Variants in SLC5A10 observed in about 807,000 individuals in gnomAD.
SLC5A10 encodes the protein sodium/mannose cotransporter SLC5A10.
A neutral mutation model predicts 68.9 loss-of-function variants in SLC5A10; 55 were observed. The observed-to-expected ratio is 0.80, with a 90% CI of 0.64 to 1.00. SLC5A10 has a LOEUF of 1.00. SLC5A10 is among the 50% of genes least tolerant of loss of function. SLC5A10 has a pLI of 0.00. For missense variants in SLC5A10, 732 were observed against 819.3 expected (o/e 0.89, Z 1.30); for synonymous variants, 344 against 344.8 (o/e 1.00, Z 0.02).
chr17:18,997,253 A>C (rs1234048899), intron 9 of SLC5A10, among the ~76,000 whole-genome samples: 1 of 152,236 alleles, frequency 6.6e-6, no homozygotes, highest in Non-Finnish European at 1.5e-5. Context: ...TACCTCCCCC[A>C]GACGGACATC....
At chr17:18,970,900 A>G in intron 7 of SLC5A10, 113 bp from the exon 8 acceptor site, 10 of 967,536 alleles carry the variant, frequency 1.0e-5, no homozygotes, top group Non-Finnish European at 1.4e-5. Flanking sequence ...AGGTGGAAAA[A>G]ACTCAAGTTT....
chr17:18,972,641 T>A (rs769187858), intron 8 of SLC5A10, among the ~76,000 whole-genome samples: 6 of 152,072 alleles, frequency 3.9e-5, no homozygotes, highest in Non-Finnish European at 7.4e-5. Context: ...CATGGGCGGA[T>A]CACGAGGTCA....
rs1295964433 is a variant in SLC5A10, at chr17:18,961,965, T to C, written c.453+1313T>C. 1.2e-4 allele frequency among the ~76,000 whole-genome samples: 18 copies of C among 152,266 alleles called. 1 individual carries two copies. The highest frequency in any genetic ancestry group is 1.5e-5 in the Non-Finnish European group (1 of 67,988). ...TTCGCCAGATGCCCTTGGCGTACTG[T>C]AGGAGGTTTGCTTTCTCTGGGAGCC... On this transcript the variant is annotated intron_variant, in intron 5 of 14. Transcript: ENST00000395645.
Position 19,004,765 on chromosome 17 carries a change from G to A in SLC5A10, c.983-8645G>A, listed in dbSNP as rs1319301253. On this transcript the variant is annotated intron_variant, in intron 9 of 14. Transcript: ENST00000395645. This position sits in a 1 kb window ranked among gnomAD's most constrained non-coding sequence, Gnocchi z 5.4. Reference sequence around the variant, plus strand: ...GCGGCGGCTGCGGCGGCGGCGCGAGGCTGGGCGGGGGCGCGCCGGTGACTC... The same window carrying A: ...GCGGCGGCTGCGGCGGCGGCGCGAGACTGGGCGGGGGCGCGCCGGTGACTC... 1 of 150,178 alleles carries A rather than the reference G, an allele frequency of 6.7e-6. No individual in the cohort carries two copies. The highest frequency in any genetic ancestry group is 2.4e-5 in the African/African-American group (1 of 41,176). The allele number at this position is 150,178 out of a possible 1,614,324, so 9.3% of individuals were successfully genotyped here. A position where few individuals can be genotyped will look rare whatever the true frequency, so the allele number is the denominator to read the frequency against.
At chr17:19,013,128 T>C (rs1217130571) in intron 9 of SLC5A10, among the ~76,000 whole-genome samples, 2 of 152,182 alleles carry the variant, frequency 1.3e-5, no homozygotes, top group African/African-American at 2.4e-5. Flanking sequence ...TAGACTCTAA[T>C]GGCGGACCTC....
intron 9 of SLC5A10, among the ~76,000 whole-genome samples, chr17:18,992,552 G>C (rs1230407976): frequency 6.6e-6 from 1 of 152,230 alleles, no homozygotes; most frequent in Non-Finnish European, 1.5e-5. Flanking sequence ...AGGTCACAGA[G>C]GCAGGGAGCA....
At chr17:18,976,187 C>CAACAAAAAAAAAA (rs2042974735) in intron 8 of SLC5A10, 1 of 108,466 alleles carries the variant, frequency 9.2e-6, no homozygotes, top group African/African-American at 3.5e-5. Flanking sequence ...GACTCCGACT[C>CAACAAAAAAAAAA]AAAAAAAAAG....
chr17:18,997,517 A>G (rs1251969701), intron 9 of SLC5A10, among the ~76,000 whole-genome samples: 5 of 152,228 alleles, frequency 3.3e-5, no homozygotes, highest in Admixed American at 6.5e-5. Flanking sequence ...TCTCAAAACT[A>G]TAGATTCAAA....
At chr17:18,982,960 A>G (rs1282913319) in intron 9 of SLC5A10, among the ~76,000 whole-genome samples, 1 of 152,260 alleles carries the variant, frequency 6.6e-6, no homozygotes, top group African/African-American at 2.4e-5. Context: ...GCCACAGTAC[A>G]GGTGGGGCCC....
chr17:19,013,214 G>T (rs573704840), intron 9 of SLC5A10, 196 bp from the exon 10 acceptor site: 3 of 757,180 alleles, frequency 4.0e-6, no homozygotes, highest in South Asian at 4.4e-5. Context: ...ATGGAGAACA[G>T]CAGGGAAAAG....
In SLC5A10 at chr17:19,015,106, C is replaced by T. The variant is rs2044108225; in HGVS notation, c.1148C>T (p.Ser383Phe). The T allele has an allele frequency of 6.2e-7, 1 of 1,613,492 alleles. No homozygotes were observed. The highest frequency in any genetic ancestry group is 1.3e-5 in the African/African-American group (1 of 74,876). The part of the protein sequence containing the change: ...MLAALMSSLT[S>F]IFNSSSTLFT... The stretch of plus-strand genomic sequence containing the variant: ...GCGGCGCTCATGTCGTCGCTGACCT[C>T]CATCTTCAACAGCAGCAGCACCCTC... The change falls in exon 11 of 15, where the codon TCC (serine) becomes TTC (phenylalanine). Residue 383 changes from serine to phenylalanine, a missense_variant. Physicochemically the swap from Ser to Phe is radical, Grantham distance 155. Coordinates refer to ENST00000395645, the MANE Select transcript of SLC5A10 (RefSeq NM_001042450.4).
chr17:18,966,799 G>A (rs946963368), intron 5 of SLC5A10, among the ~76,000 whole-genome samples: 25 of 152,074 alleles, frequency 1.6e-4, no homozygotes, highest in African/African-American at 6.0e-4. Context: ...GGTCACTGGG[G>A]AGGGAGGCAC....
intron 9 of SLC5A10, among the ~76,000 whole-genome samples, chr17:18,993,802 C>A (rs2043493360): frequency 6.6e-6 from 1 of 152,242 alleles, no homozygotes. Context: ...CCGATCTCAG[C>A]TCCTCCTGGG....
In SLC5A10 at chr17:19,017,563, A is replaced by T. The variant is rs149580871; in HGVS notation, c.1242-1860A>T. 710 of 644,704 alleles carry T rather than the reference A, an allele frequency of 1.1e-3. 2 individuals carry two copies. The African/African-American group carries it at 0.012, about 11-fold the overall frequency. 39.9% of individuals were successfully genotyped at this position (644,704 alleles called of 1,614,324 possible). A position where few individuals can be genotyped will look rare whatever the true frequency, so the allele number is the denominator to read the frequency against. ...CTGAGCAGAGGCTGGAGGAGCCGTC[A>T]CAGGCTGGGGGAGAGCGATGACCCG... On this transcript the variant is annotated intron_variant, in intron 11 of 14. Coordinates refer to ENST00000395645, the MANE Select transcript of SLC5A10 (RefSeq NM_001042450.4). The surrounding 1 kb of genome is among the most constrained non-coding windows in gnomAD (Gnocchi z 5.6).
chr17:19,019,850 C>A lies in SLC5A10; in HGVS notation c.1548C>A (p.Phe516Leu). The change falls in exon 13 of 15, where the codon TTC (phenylalanine) becomes TTA (leucine). Residue 516 changes from phenylalanine to leucine, a missense_variant. Phe to Leu is a conservative substitution (Grantham distance 22). Transcript: ENST00000395645. The stretch of plus-strand genomic sequence containing the variant: ...TGGGGAGCATCCACTACCTGCACTT[C>A]GCTGTCGCCCTCTTTGCACTCAGTG... The part of the protein sequence containing the change: ...AVLGSIHYLH[F>L]AVALFALSGA... 6 of 1,613,554 alleles carry A rather than the reference C, an allele frequency of 3.7e-6. No homozygotes were observed. Among genetic ancestry groups the A allele is most frequent in the Non-Finnish European group, 5.1e-6 (6 of 1,179,952 alleles).
At position 19,020,835 on chromosome 17, in the gene SLC5A10, G is replaced by T. The variant is rs576325837; in HGVS notation, c.*404G>T. On this transcript the variant is annotated 3_prime_UTR_variant, in exon 15 of 15. Transcript: ENST00000395645. ...GCCCAGAGCAAGGCCCCCCATTAAGGGACTGCAGCCACCTCCAAGGGCTCC... is the reference window on the plus strand; with the variant it reads ...GCCCAGAGCAAGGCCCCCCATTAAGTGACTGCAGCCACCTCCAAGGGCTCC... 1.8e-4 allele frequency: 32 copies of T among 181,710 alleles called. No homozygotes were observed. The highest frequency in any genetic ancestry group is 1.2e-3 in the Admixed American group (22 of 18,444). The allele number at this position is 181,710 out of a possible 1,614,324, so 11.3% of individuals were successfully genotyped here.
At chr17:18,981,525 G>A (rs1191652940) in intron 9 of SLC5A10, among the ~76,000 whole-genome samples, 3 of 152,170 alleles carry the variant, frequency 2.0e-5, no homozygotes, top group African/African-American at 7.2e-5. Context: ...TGCTATGGGA[G>A]AGGAGGGGAG....
Position 18,968,976 on chromosome 17 carries a change from G to A in SLC5A10, c.454-76G>A. On this transcript the variant is annotated intron_variant, in intron 5 of 14. Coordinates refer to ENST00000395645, the MANE Select transcript of SLC5A10 (RefSeq NM_001042450.4). The surrounding 1 kb of genome is among the most constrained non-coding windows in gnomAD (Gnocchi z 4.1). The stretch of plus-strand genomic sequence containing the variant: ...GCCACCGAGGCCCAGAGAGGGCCTT[G>A]CCCGAGGTCACCCAGGGAGTGGCTT... 1 of 1,462,256 alleles carries A rather than the reference G, an allele frequency of 6.8e-7. No homozygotes were observed. The highest frequency in any genetic ancestry group is 1.4e-5 in the African/African-American group (1 of 71,760). The allele number at this position is 1,462,256 out of a possible 1,614,324, so 90.6% of individuals were successfully genotyped here. A position where few individuals can be genotyped will look rare whatever the true frequency, so the allele number is the denominator to read the frequency against.
rs527516807 is a variant in SLC5A10, at chr17:18,983,824, G to A, written c.982+6835G>A. 3.5e-3 allele frequency among the ~76,000 whole-genome samples: 529 copies of A among 152,296 alleles called. 5 individuals are homozygous for A. The highest frequency in any genetic ancestry group is 0.022 in the South Asian group (108 of 4,820). The stretch of plus-strand genomic sequence containing the variant: ...GTATGTGACGGCATGTAGGGGCAGG[G>A]CCAGCCTAGCTCCAAGGCCCTGGTC... On this transcript the variant is annotated intron_variant, in intron 9 of 14. Coordinates refer to ENST00000395645, the MANE Select transcript of SLC5A10 (RefSeq NM_001042450.4).
Sources: allele counts gnomAD v4.1 joint callset (sites outside exome capture counted in the v4.1 genomes callset), GRCh38; gene constraint gnomAD v4.1.1; non-coding constraint Gnocchi (gnomAD v3.1); transcripts MANE v1.5; gene names NCBI Gene and HGNC (gene_info 2026-07-23, HGNC 2026-07-21).